PRDM5: variants seen among roughly 807,000 people sequenced by gnomAD.
PRDM5 encodes PR domain zinc finger protein 5.
In PRDM5, 56 loss-of-function variants were observed where a neutral mutation model predicts 81.2. That is an observed-to-expected ratio of 0.69 (90% confidence interval 0.56 to 0.86). PRDM5 has a LOEUF of 0.86. Ranked by LOEUF, PRDM5 falls within the 40% of genes least tolerant of loss-of-function variation. The pLI is 0.00. For synonymous variants in PRDM5, 267 were observed against 256.4 expected (o/e 1.04, Z -0.39); for missense variants, 697 against 770.1 (o/e 0.91, Z 1.12).
At chr4:120,770,012 A>ATTTG (rs1262909379) in intron 13 of PRDM5, among the ~76,000 whole-genome samples, 6 of 115,110 alleles carry the variant, frequency 5.2e-5, no homozygotes, top group African/African-American at 2.0e-4. Flanking sequence ...ATCCCTATTT[A>ATTTG]TTTATTTATT....
intron 2 of PRDM5, among the ~76,000 whole-genome samples, chr4:120,862,968 G>A (rs777438022): frequency 4.0e-4 from 60 of 151,632 alleles, no homozygotes; most frequent in Non-Finnish European, 7.4e-4. Flanking sequence ...AGACCAGCCT[G>A]TACAACATGG....
intron 3 of PRDM5, among the ~76,000 whole-genome samples, chr4:120,843,312 G>A (rs1414820406): frequency 6.6e-6 from 1 of 152,122 alleles, no homozygotes; most frequent in Non-Finnish European, 1.5e-5. Context: ...ACTCCAGCCT[G>A]GGCAACAGAG....
intron 1 of PRDM5, 93 bp downstream of exon 1, chr4:120,922,423 C>G: frequency 8.3e-7 from 1 of 1,201,680 alleles, no homozygotes; most frequent in Non-Finnish European, 1.0e-6. Flanking sequence ...CGGGGTGAAG[C>G]CCGCCGCGCC....
intron 10 of PRDM5, among the ~76,000 whole-genome samples, chr4:120,790,596 A>G (rs1279162947): frequency 6.6e-6 from 1 of 152,184 alleles, no homozygotes; most frequent in Admixed American, 6.5e-5. Flanking sequence ...CTAAAGTTCA[A>G]AGAGACAAAC....
intron 2 of PRDM5, chr4:120,896,648 TTAAA>T (rs1764643488): frequency 6.8e-6 from 1 of 146,594 alleles, no homozygotes; most frequent in African/African-American, 2.5e-5. Flanking sequence ...ATCCCTGTGC[TTAAA>T]TATTTCACAC....
chr4:120,767,282 AT>A (rs1213789807), intron 13 of PRDM5, among the ~76,000 whole-genome samples: 1 of 152,212 alleles, frequency 6.6e-6, no homozygotes, highest in Admixed American at 6.5e-5. Context: ...TAAAAAAAAA[AT>A]AATATGTATG....
chr4:120,769,283 G>A (rs916130689), intron 13 of PRDM5, among the ~76,000 whole-genome samples: 9 of 152,156 alleles, frequency 5.9e-5, no homozygotes, highest in Middle Eastern at 3.2e-3. Flanking sequence ...GAAAACTGAG[G>A]ACCCACAGAC....
At chr4:120,886,075 T>C (rs950964176) in intron 2 of PRDM5, among the ~76,000 whole-genome samples, 5 of 152,254 alleles carry the variant, frequency 3.3e-5, no homozygotes, top group African/African-American at 1.2e-4. Context: ...TTGCTTTGCA[T>C]TTTCCCTAAC....
intron 1 of PRDM5, among the ~76,000 whole-genome samples, chr4:120,920,698 A>G (rs901675147): frequency 1.3e-5 from 2 of 152,232 alleles, no homozygotes; most frequent in African/African-American, 4.8e-5. Flanking sequence ...TCATAACTAA[A>G]CATCGATAAT....
At chr4:120,729,238 G>T (rs1475791591) in intron 14 of PRDM5, among the ~76,000 whole-genome samples, 2 of 152,060 alleles carry the variant, frequency 1.3e-5, no homozygotes, top group African/African-American at 4.8e-5. Context: ...TAAAAATAAA[G>T]AAATCAAAGA....
intron 11 of PRDM5, among the ~76,000 whole-genome samples, chr4:120,782,245 C>G (rs933974493): frequency 6.6e-6 from 1 of 151,920 alleles, no homozygotes; most frequent in African/African-American, 2.4e-5. Context: ...ATATAATTTC[C>G]CTTTTTAGAA....
At chr4:120,707,831 A>G (rs964339364) in intron 15 of PRDM5, among the ~76,000 whole-genome samples, 1 of 152,126 alleles carries the variant, frequency 6.6e-6, no homozygotes, top group Non-Finnish European at 1.5e-5. Context: ...AAAAGACAAT[A>G]CTATTTCAAA....
At position 120,869,667 on chromosome 4, in the gene PRDM5, C is replaced by T. The variant is rs974509713; in HGVS notation, c.178-16127G>A. ...ATGAATACAAACAGAGCCTGTGTTG[C>T]TATAATATTAAAGAATCAACAGATG... On this transcript the variant is annotated intron_variant, in intron 2 of 15. Transcript: ENST00000264808. Among the ~76,000 whole-genome samples, 8 of 152,028 alleles carry T rather than the reference C, an allele frequency of 5.3e-5. No individual in the cohort carries two copies. In the East Asian group the frequency reaches 1.3e-3, roughly 26 times the overall value.
intron 12 of PRDM5, among the ~76,000 whole-genome samples, chr4:120,779,350 T>C (rs1298757019): frequency 6.6e-6 from 1 of 152,124 alleles, no homozygotes; most frequent in Non-Finnish European, 1.5e-5. Flanking sequence ...AGCAACACAC[T>C]ATGAATATAC....
chr4:120,917,794 G>GT (rs200331593), intron 1 of PRDM5, among the ~76,000 whole-genome samples: 1,722 of 151,602 alleles, frequency 0.011, 27 homozygotes, highest in African/African-American at 0.038. Context: ...GTAAACTTAT[G>GT]TTTTTTTTAA....
At chr4:120,691,106 T>C (rs562224402), downstream of PRDM5, among the ~76,000 whole-genome samples, 1 of 152,220 alleles carries the variant, frequency 6.6e-6, no homozygotes, top group African/African-American at 2.4e-5. Flanking sequence ...TGTTTCAGTA[T>C]TGTGTTAAGA....
intron 14 of PRDM5, among the ~76,000 whole-genome samples, chr4:120,742,051 G>C (rs1742096818): frequency 6.6e-6 from 1 of 152,240 alleles, no homozygotes; most frequent in Non-Finnish European, 1.5e-5. Context: ...GAAGAGAGCA[G>C]TGGTTCTCCC....
intron 3 of PRDM5, among the ~76,000 whole-genome samples, chr4:120,826,138 C>T (rs1578889465): frequency 6.6e-6 from 1 of 152,104 alleles, no homozygotes; most frequent in East Asian, 1.9e-4. Context: ...CAACAGCTTA[C>T]CAAGTGAACT....
At chr4:120,852,008 A>C (rs1031919483) in intron 3 of PRDM5, among the ~76,000 whole-genome samples, 1 of 152,144 alleles carries the variant, frequency 6.6e-6, no homozygotes, top group Non-Finnish European at 1.5e-5. Flanking sequence ...ACATGTAATC[A>C]GTCAATTATC....
Sources: allele counts gnomAD v4.1 joint callset (sites outside exome capture counted in the v4.1 genomes callset), GRCh38; gene constraint gnomAD v4.1.1; transcripts MANE v1.5; gene names NCBI Gene and HGNC (gene_info 2026-07-23, HGNC 2026-07-21).